Variants in METTL15 observed in about 807,000 individuals in gnomAD.
METTL15 encodes the protein methyltransferase 15, mitochondrial 12S rRNA N4-cytidine, also known as 12S rRNA N(4)-cytidine methyltransferase METTL15.
METTL15 carries 34 observed loss-of-function variants against 38.3 expected under a neutral mutation model. That is an observed-to-expected ratio of 0.89 (90% CI 0.68 to 1.18). The LOEUF (loss-of-function observed/expected upper bound fraction) is 1.18, where lower values mean the gene tolerates loss of function less well. Ranked by LOEUF, METTL15 falls within the 50% of genes most tolerant of loss-of-function variation. The pLI is 0.00. For missense variants in METTL15, 438 were observed against 498.4 expected (o/e 0.88, Z 1.15); for synonymous variants, 162 against 170.9 (o/e 0.95, Z 0.41).
intron 5 of METTL15, among the ~76,000 whole-genome samples, chr11:28,372,456 T>G (rs1850254602): frequency 6.7e-6 from 1 of 148,518 alleles, no homozygotes; most frequent in African/African-American, 2.5e-5. Context: ...TGTTCTTTTT[T>G]TTTTTTTTTT....
At position 28,502,629 on chromosome 11, in the gene METTL15, A is replaced by G. The variant is rs116633112; in HGVS notation, c.*425-23849A>G. On this transcript the variant is annotated intron_variant and NMD_transcript_variant, in intron 6 of 7. Coordinates refer to the METTL15 transcript ENST00000532947. ...TCTTTGCATATTTTTATAAGATATGAATACAATTTTGGTTATTTGCACATT... is the reference window on the plus strand; with the variant it reads ...TCTTTGCATATTTTTATAAGATATGGATACAATTTTGGTTATTTGCACATT... Among the ~76,000 whole-genome samples, 1,209 of 152,346 alleles carry G rather than the reference A, an allele frequency of 7.9e-3. 24 individuals carry two copies. Among genetic ancestry groups the G allele is most frequent in the African/African-American group, 0.027 (1,137 of 41,584 alleles).
chr11:28,184,229 T>G (rs1016167952), intron 3 of METTL15, among the ~76,000 whole-genome samples: 2 of 152,116 alleles, frequency 1.3e-5, no homozygotes, highest in African/African-American at 4.8e-5. Context: ...TCGTTGATTT[T>G]TTTGAAGGGT....
chr11:28,160,986 A>G (rs962410073), intron 3 of METTL15, among the ~76,000 whole-genome samples: 2 of 152,166 alleles, frequency 1.3e-5, no homozygotes, highest in African/African-American at 4.8e-5. Flanking sequence ...ACACTAAAAT[A>G]TCAATATAAT....
intron 4 of METTL15, among the ~76,000 whole-genome samples, chr11:28,289,287 T>G (rs1053191053): frequency 1.3e-5 from 2 of 152,160 alleles, no homozygotes; most frequent in African/African-American, 2.4e-5. Flanking sequence ...ATAGCAAATA[T>G]TCATTTACTT....
At chr11:28,336,693 C>T (rs188637628), downstream of METTL15, among the ~76,000 whole-genome samples, 24 of 152,284 alleles carry the variant, frequency 1.6e-4, no homozygotes, top group East Asian at 3.3e-3. Context: ...TGTAACATCA[C>T]AGGGCAACGT....
At chr11:28,436,471 G>A (rs140848954) in intron 6 of METTL15, among the ~76,000 whole-genome samples, 2 of 152,190 alleles carry the variant, frequency 1.3e-5, no homozygotes, top group Middle Eastern at 3.4e-3. Context: ...ATGCATCCGT[G>A]GTCAGCTGGC....
At chr11:28,256,719 T>C (rs1474113542) in intron 4 of METTL15, among the ~76,000 whole-genome samples, 1 of 152,078 alleles carries the variant, frequency 6.6e-6, no homozygotes, top group East Asian at 1.9e-4. Context: ...GTCTAATCTT[T>C]ATTATTTATT....
At chr11:28,237,860 G>A (rs1020133813) in intron 4 of METTL15, among the ~76,000 whole-genome samples, 20 of 152,186 alleles carry the variant, frequency 1.3e-4, no homozygotes, top group African/African-American at 3.6e-4. Context: ...GAGTTTGCTA[G>A]AGGTCCACTC....
At chr11:28,382,408 GA>G (rs927177908) in intron 5 of METTL15, among the ~76,000 whole-genome samples, 2 of 152,084 alleles carry the variant, frequency 1.3e-5, no homozygotes, top group Admixed American at 6.6e-5. Flanking sequence ...GGTATCCCAT[GA>G]AAAAACCCAA....
chr11:28,417,924 C>A (rs369127673), intron 5 of METTL15, among the ~76,000 whole-genome samples: 152 of 152,030 alleles, frequency 1.0e-3, no homozygotes, highest in African/African-American at 1.9e-3. Flanking sequence ...ATATATACTT[C>A]CCTGCTTTAT....
In METTL15 at chr11:28,128,603, T is replaced by C. The variant is rs1852602950; in HGVS notation, c.270+14999T>C. Among the ~76,000 whole-genome samples, 5 of 152,108 alleles carry C rather than the reference T, an allele frequency of 3.3e-5. No individual in the cohort carries two copies. In the South Asian group the frequency reaches 1.0e-3, roughly 31 times the overall value. ...TTACAATGGACATTTTATATGAATC[T>C]TTCGCTGTGGTTTTATTTTGCAATG... is the stretch of plus-strand genomic sequence containing the variant. On this transcript the variant is annotated intron_variant, in intron 3 of 6. Coordinates refer to ENST00000407364, the MANE Select transcript of METTL15 (RefSeq NM_001113528.2).
intron 5 of METTL15, among the ~76,000 whole-genome samples, chr11:28,381,329 T>C (rs776699907): frequency 6.6e-6 from 1 of 152,154 alleles, no homozygotes; most frequent in Non-Finnish European, 1.5e-5. Context: ...GTTTTATTAT[T>C]ATATGCCTTA....
downstream of METTL15, among the ~76,000 whole-genome samples, chr11:28,528,750 A>G (rs907064333): frequency 6.6e-6 from 1 of 152,232 alleles, no homozygotes; most frequent in Non-Finnish European, 1.5e-5. Context: ...TCGCATAGAT[A>G]CTAAATATTG....
intron 6 of METTL15, among the ~76,000 whole-genome samples, chr11:28,498,524 C>T (rs779119166): frequency 6.6e-6 from 1 of 152,074 alleles, no homozygotes; most frequent in Non-Finnish European, 1.5e-5. Context: ...GTTTATATAT[C>T]CAGAAAAACT....
chr11:28,175,260 C>G (rs1851024361), intron 3 of METTL15, among the ~76,000 whole-genome samples: 1 of 144,734 alleles, frequency 6.9e-6, no homozygotes, highest in South Asian at 2.2e-4. Flanking sequence ...ATCCATGTCC[C>G]TACAAAGGAC....
chr11:28,117,581 A>G (rs976763749), intron 3 of METTL15, among the ~76,000 whole-genome samples: 1 of 152,170 alleles, frequency 6.6e-6, no homozygotes, highest in African/African-American at 2.4e-5. Context: ...ATTCTGTTCA[A>G]GTACCTACAA....
chr11:28,360,626 A>C (rs1850128578), intron 4 of METTL15, among the ~76,000 whole-genome samples: 1 of 152,122 alleles, frequency 6.6e-6, no homozygotes, highest in Non-Finnish European at 1.5e-5. Context: ...GCCTGACTTC[A>C]TGGTGCTTTC....
chr11:28,297,424 A>G (rs1372703407), intron 6 of METTL15, among the ~76,000 whole-genome samples: 1 of 152,124 alleles, frequency 6.6e-6, no homozygotes, highest in African/African-American at 2.4e-5. Context: ...AGTGACTCAT[A>G]TATCTGTTCT....
At chr11:28,499,503 G>C (rs752947307) in intron 6 of METTL15, among the ~76,000 whole-genome samples, 38 of 152,250 alleles carry the variant, frequency 2.5e-4, no homozygotes, top group Non-Finnish European at 3.2e-4. Context: ...AGATGATACT[G>C]GTCATTTCAA....
Sources: gnomAD v4.1 joint callset for allele counts (sites outside exome capture counted in the v4.1 genomes callset) on GRCh38, gnomAD v4.1.1 for gene constraint, MANE v1.5 for transcripts, NCBI Gene and HGNC (gene_info 2026-07-23, HGNC 2026-07-21) for gene names.